The following SPOCK2 variants were observed in gnomAD, a reference collection of about 807,000 sequenced individuals.
The protein encoded by SPOCK2 is SPARC (osteonectin), cwcv and kazal like domains proteoglycan 2.
A neutral mutation model predicts 60.1 loss-of-function variants in SPOCK2; 39 were observed. The ratio of observed to expected loss-of-function variants is 0.65; its 90% CI spans 0.50 to 0.85. SPOCK2 has a LOEUF of 0.85. Among genes scored for constraint, SPOCK2 ranks in the 40% least tolerant of loss-of-function variants. The pLI, the probability that SPOCK2 is intolerant of heterozygous loss-of-function variation, is 0.00. For synonymous variants in SPOCK2, 217 were observed against 231.5 expected, an observed-to-expected ratio of 0.94 and a Z score of 0.57; for missense variants, 523 against 567.4, an observed-to-expected ratio of 0.92 and a Z score of 0.80.
intron 1 of SPOCK2, among the ~76,000 whole-genome samples, chr10:72,076,713 C>A (rs1404101121): frequency 2.0e-5 from 3 of 152,190 alleles, no homozygotes; most frequent in Non-Finnish European, 2.9e-5. Flanking sequence ...GCCACTGCAC[C>A]CAGCCTGCAT....
intron 6 of SPOCK2, 110 bp downstream of exon 6, chr10:72,068,077 T>C: frequency 7.9e-7 from 1 of 1,266,006 alleles, no homozygotes; most frequent in Non-Finnish European, 1.1e-6. Flanking sequence ...TTCTGCATTT[T>C]TGCCACTTCC....
rs1437141684 is a variant in SPOCK2, at chr10:72,062,863, C to G, written c.1172G>C (p.Gly391Ala). The G allele has an allele frequency of 6.2e-7, 1 of 1,603,370 alleles. No homozygotes were observed. Among genetic ancestry groups the G allele is most frequent in the South Asian group, 1.1e-5 (1 of 90,012 alleles). Reference sequence around the variant, plus strand: ...CTCCTTCTCCTCCTCATCCTCCCAGCCGACACCGCTTCCAAAGTCCCCCGA... The same window carrying G: ...CTCCTTCTCCTCCTCATCCTCCCAGGCGACACCGCTTCCAAAGTCCCCCGA... Reference protein sequence around the residue: ...GFSGDFGSGVGWEDEEEKETE... With the variant: ...GFSGDFGSGVAWEDEEEKETE... Residue 391 changes from glycine to alanine, a missense_variant, in exon 11 of 11, where the codon GGC (glycine) becomes GCC (alanine). By Grantham distance (60) the Gly-to-Ala change is moderately conservative (BLOSUM62 0). Coordinates refer to ENST00000373109, the MANE Select transcript of SPOCK2 (RefSeq NM_001244950.2). The surrounding 1 kb of genome is among the most constrained non-coding windows in gnomAD (Gnocchi z 4.3).
intron 8 of SPOCK2, 31 bp from the exon 9 acceptor site, chr10:72,064,271 C>A (rs1337744737): frequency 6.4e-7 from 1 of 1,560,142 alleles, no homozygotes; most frequent in Non-Finnish European, 8.6e-7. Context: ...TCTGATGGGA[C>A]TGTCCCCTGG....
chr10:72,074,414 G>A (rs1388518468), intron 1 of SPOCK2, among the ~76,000 whole-genome samples: 2 of 152,060 alleles, frequency 1.3e-5, no homozygotes, highest in African/African-American at 2.4e-5. Flanking sequence ...GCAGACCCAG[G>A]TGCACCCATG....
At chr10:72,082,406 C>T (rs1289363922) in intron 1 of SPOCK2, among the ~76,000 whole-genome samples, 4 of 152,296 alleles carry the variant, frequency 2.6e-5, no homozygotes, top group Non-Finnish European at 5.9e-5. Flanking sequence ...CGCGCAGAGA[C>T]GGGGTTGTGG....
At chr10:72,076,319 T>C (rs1840714638) in intron 1 of SPOCK2, among the ~76,000 whole-genome samples, 1 of 152,202 alleles carries the variant, frequency 6.6e-6, no homozygotes, top group Non-Finnish European at 1.5e-5. Context: ...TGTTGGCAAG[T>C]GCAAATAATG....
chr10:72,070,484 G>A, intron 4 of SPOCK2, 58 bp from the exon 5 acceptor site: 7 of 1,543,632 alleles, frequency 4.5e-6, no homozygotes, highest in Non-Finnish European at 6.3e-6. Context: ...AAGGAGCAGG[G>A]GAAGGGAGGG....
chr10:72,072,048 C>G (rs1840653581), intron 4 of SPOCK2, 96 bp downstream of exon 4: 2 of 947,694 alleles, frequency 2.1e-6, no homozygotes, highest in Admixed American at 7.0e-5. Context: ...ATTTATTTAA[C>G]AGCAGTAGAT....
upstream of SPOCK2, chr10:72,088,589 C>A: frequency 1.5e-5 from 6 of 397,256 alleles, no homozygotes; most frequent in Non-Finnish European, 2.2e-5. Flanking sequence ...ACTGTAGCAT[C>A]AGCATCACGT....
At chr10:72,064,302 C>A in intron 8 of SPOCK2, 62 bp from the exon 9 acceptor site, 1 of 1,469,332 alleles carries the variant, frequency 6.8e-7, no homozygotes, top group Non-Finnish European at 9.0e-7. Context: ...ATGCACTGAG[C>A]CCTTCAAGGC....
At chr10:72,082,492 C>A (rs971996084) in intron 1 of SPOCK2, among the ~76,000 whole-genome samples, 1 of 152,074 alleles carries the variant, frequency 6.6e-6, no homozygotes, top group African/African-American at 2.4e-5. Flanking sequence ...GGAGGCGGGG[C>A]CTTGGGGGAG....
At chr10:72,072,719 T>C (rs751147339) in intron 2 of SPOCK2, 171 bp from the exon 3 acceptor site, 4 of 1,328,264 alleles carry the variant, frequency 3.0e-6, no homozygotes, top group Non-Finnish European at 4.2e-6. Flanking sequence ...CCCCCACACC[T>C]CTATCCCTAT....
rs1840878502 is a variant in SPOCK2 at position 72,087,604 on chromosome 10, A to T, written c.189+536T>A. ...ACCCCAGACCCAGAGCCCCGGTCAC[A>T]CTCCCGTCCCATGCTGTCCCCCTCC... is the stretch of plus-strand genomic sequence containing the variant. On this transcript the variant is annotated intron_variant, in intron 1 of 10. Transcript: ENST00000373109. The surrounding 1 kb of genome is among the most constrained non-coding windows in gnomAD (Gnocchi z 4.7). Among the ~76,000 whole-genome samples, 1 of 151,410 alleles carries T rather than the reference A, an allele frequency of 6.6e-6. No individual in the cohort carries two copies. The highest frequency in any genetic ancestry group is 1.5e-5 in the Non-Finnish European group (1 of 67,830).
chr10:72,070,129 T>C (rs1264711475), intron 5 of SPOCK2, 183 bp downstream of exon 5: 8 of 577,418 alleles, frequency 1.4e-5, no homozygotes, highest in Non-Finnish European at 2.4e-5. Flanking sequence ...AACTCTCAGG[T>C]AGTTCCAGCC....
At chr10:72,082,221 T>C (rs1589125553) in intron 1 of SPOCK2, among the ~76,000 whole-genome samples, 4 of 152,338 alleles carry the variant, frequency 2.6e-5, no homozygotes, top group African/African-American at 9.6e-5. Flanking sequence ...AACTGGATGC[T>C]GGCCAAGCCC....
rs1052354948 is a variant in SPOCK2 at position 72,060,832 on chromosome 10, A to G, written c.*1928T>C. ...ATTTCCCCCAAGAAGGACTCGGAAG[A>G]TGTTGATTCCAGGGCAGAGTGAGGG... On this transcript the variant is annotated 3_prime_UTR_variant, in exon 11 of 11. Coordinates refer to ENST00000373109, the MANE Select transcript of SPOCK2 (RefSeq NM_001244950.2). 8.5e-5 allele frequency: 13 copies of G among 152,254 alleles called. No homozygotes were observed. The highest frequency in any genetic ancestry group is 1.8e-4 in the Non-Finnish European group (12 of 68,094). The allele number at this position is 152,254 out of a possible 1,614,324, so 9.4% of individuals were successfully genotyped here.
chr10:72,062,463 G>A lies in SPOCK2; in HGVS notation c.*297C>T. 2.3e-6 allele frequency: 1 copy of A among 439,718 alleles called. No individual in the cohort carries two copies. Among genetic ancestry groups the A allele is most frequent in the East Asian group, 3.8e-5 (1 of 26,004 alleles). 27.2% of individuals were successfully genotyped at this position (439,718 alleles called of 1,614,324 possible). The stretch of plus-strand genomic sequence containing the variant: ...CAAAAGGAAAGAAAACAGCTACAAG[G>A]AGGCCGAAGGGGCCTTTGGGTGACT... On this transcript the variant is annotated 3_prime_UTR_variant, in exon 11 of 11. Transcript: ENST00000373109. This position sits in a 1 kb window ranked among gnomAD's most constrained non-coding sequence, Gnocchi z 4.3.
At chr10:72,079,857 T>C (rs956061079) in intron 1 of SPOCK2, among the ~76,000 whole-genome samples, 2 of 152,074 alleles carry the variant, frequency 1.3e-5, no homozygotes, top group African/African-American at 2.4e-5. Context: ...CCTGGGCTCC[T>C]GCTTGGCCTT....
intron 4 of SPOCK2, among the ~76,000 whole-genome samples, chr10:72,071,759 T>G (rs1477978664): frequency 6.6e-6 from 1 of 152,014 alleles, no homozygotes; most frequent in Admixed American, 6.6e-5. Flanking sequence ...TTACTTTAGG[T>G]GAAGGCAGCC....
Sources: gnomAD v4.1 joint callset for allele counts (sites outside exome capture counted in the v4.1 genomes callset) on GRCh38, gnomAD v4.1.1 for gene constraint, Gnocchi (gnomAD v3.1) non-coding constraint, MANE v1.5 for transcripts, NCBI Gene and HGNC (gene_info 2026-07-23, HGNC 2026-07-21) for gene names.